The following FADS3 variants were observed in gnomAD, a reference collection of about 807,000 sequenced individuals.
FADS3 encodes cytochrome b5-related protein.
Under a neutral mutation model 60.4 loss-of-function variants are expected in FADS3, and 30 were observed. The observed-to-expected ratio is 0.50, with a 90% CI of 0.37 to 0.67. FADS3 has a LOEUF of 0.67. FADS3 is among the 30% of genes least tolerant of loss of function. FADS3 has a pLI of 0.00. For synonymous variants in FADS3, 234 were observed against 249.3 expected (o/e 0.94, Z 0.58); for missense variants, 432 against 598.3 (o/e 0.72, Z 2.90).
At chr11:61,875,705 T>C in intron 11 of FADS3, 146 bp downstream of exon 11, 1 of 976,122 alleles carries the variant, frequency 1.0e-6, no homozygotes, top group East Asian at 2.5e-5. Flanking sequence ...ACTGTGTGCG[T>C]GAAGGCTGGG....
rs184428743 is a variant in FADS3, at chr11:61,887,982, G to A, written c.213+3187C>T. Among the ~76,000 whole-genome samples the A allele has an allele frequency of 4.3e-4, 66 of 152,344 alleles. 3 individuals carry two copies. The East Asian group carries it at 0.013, about 29-fold the overall frequency. ...GGCACCTTGAGGATTAAAAGAGAGGGTTTCAATAAATCAAGTACTGATTTC... is the reference window on the plus strand; with the variant it reads ...GGCACCTTGAGGATTAAAAGAGAGGATTTCAATAAATCAAGTACTGATTTC... On this transcript the variant is annotated intron_variant, in intron 1 of 11. Transcript: ENST00000278829.
In FADS3 at chr11:61,877,144, T is replaced by C. The variant is rs955867260; in HGVS notation, c.886-181A>G. The C allele has an allele frequency of 1.4e-5, 8 of 564,754 alleles. No homozygotes were observed. Among genetic ancestry groups the C allele is most frequent in the Non-Finnish European group, 2.5e-5 (8 of 316,780 alleles). The allele number at this position is 564,754 out of a possible 1,614,324, so 35.0% of individuals were successfully genotyped here. On this transcript the variant is annotated intron_variant, in intron 7 of 11. Transcript: ENST00000278829. The surrounding 1 kb of genome is among the most constrained non-coding windows in gnomAD (Gnocchi z 4.7). ...GAGTAAAGGAACAGGGTCCTTGCCC[T>C]GCCAGCTCACGAGGCTGATTTTAGT...
Position 61,876,893 on chromosome 11 carries a change from C to A in FADS3, c.956G>T (p.Gly319Val). The A allele has an allele frequency of 6.2e-7, 1 of 1,610,744 alleles. No homozygotes were observed. Among genetic ancestry groups the A allele is most frequent in the Non-Finnish European group, 8.5e-7 (1 of 1,179,096 alleles). Residue 319 changes from glycine (G) to valine (V), a missense_variant, in exon 8 of 12, where the codon GGG (glycine) becomes GTG (valine). Gly to Val is a moderately radical substitution (Grantham distance 109). Coordinates refer to ENST00000278829, the MANE Select transcript of FADS3 (RefSeq NM_021727.5). This position sits in a 1 kb window ranked among gnomAD's most constrained non-coding sequence, Gnocchi z 5.7. ...GACAGCAACAAAGAAGAGCAGCACCCCAGGGACGCCGTAGAAGGGGAGGTA... is the reference window on the plus strand; with the variant it reads ...GACAGCAACAAAGAAGAGCAGCACCACAGGGACGCCGTAGAAGGGGAGGTA... Reference protein sequence around the residue: ...LSYLPFYGVPGVLLFFVAVRV... With the variant: ...LSYLPFYGVPVVLLFFVAVRV...
In FADS3 at chr11:61,873,576, G is replaced by T; in HGVS notation, c.*238C>A. On this transcript the variant is annotated 3_prime_UTR_variant, in exon 12 of 12. Coordinates refer to ENST00000278829, the MANE Select transcript of FADS3 (RefSeq NM_021727.5). ...AAATAACAGCTTTCCCCCAATTCTC[G>T]CTCTAGGAAAATGTGCTATGCTCAC... is the stretch of plus-strand genomic sequence containing the variant. 1 of 560,462 alleles carries T rather than the reference G, an allele frequency of 1.8e-6. No individual in the cohort carries two copies. The highest frequency in any genetic ancestry group is 3.2e-6 in the Non-Finnish European group (1 of 316,592). The allele number at this position is 560,462 out of a possible 1,614,324, so 34.7% of individuals were successfully genotyped here. A position where few individuals can be genotyped will look rare whatever the true frequency, so the allele number is the denominator to read the frequency against.
intron 1 of FADS3, among the ~76,000 whole-genome samples, chr11:61,885,239 G>T (rs1416394766): frequency 6.6e-6 from 1 of 152,078 alleles, no homozygotes; most frequent in African/African-American, 2.4e-5. Context: ...CAGCTGGTCG[G>T]GGGGGTGTCC....
rs1320633012 is a variant in FADS3 at position 61,876,772 on chromosome 11, C to T, written c.983+94G>A. ...AAGCCAGGGAGGCAGTACCACTGGC[C>T]CCATTCTGCAGACGGGAAAAGGGAA... On this transcript the variant is annotated intron_variant, in intron 8 of 11. Coordinates refer to ENST00000278829, the MANE Select transcript of FADS3 (RefSeq NM_021727.5). The surrounding 1 kb of genome is among the most constrained non-coding windows in gnomAD (Gnocchi z 5.7). 3.0e-6 allele frequency: 3 copies of T among 993,730 alleles called. No individual in the cohort carries two copies. Among genetic ancestry groups the T allele is most frequent in the Non-Finnish European group, 4.7e-6 (3 of 641,540 alleles). 61.6% of individuals were successfully genotyped at this position (993,730 alleles called of 1,614,324 possible).
chr11:61,877,580 C>A lies in FADS3; in HGVS notation c.816G>T (p.Pro272=), dbSNP rs758316528. 3.1e-6 allele frequency: 5 copies of A among 1,613,590 alleles called. No homozygotes were observed. Among genetic ancestry groups the A allele is most frequent in the Admixed American group, 1.7e-5 (1 of 60,014 alleles). ...QQHLYFFLIG[P]PLLTLVNFEV... ...CAAAGTTCACCAGGGTGAGCAGCGG[C>A]GGGCCGACTGCAAGAAGGGGCATGA... The change falls in exon 7 of 12, where the codon CCG becomes CCT. Residue 272 remains proline, a synonymous_variant. Transcript: ENST00000278829. The surrounding 1 kb of genome is among the most constrained non-coding windows in gnomAD (Gnocchi z 4.7).
Position 61,876,311 on chromosome 11 carries a change from C to G in FADS3, c.1080+48G>C. The stretch of plus-strand genomic sequence containing the variant: ...CCCTGCTTTGCCATCTGGCTCCTAG[C>G]TGGGACCCCCCACCCCACCCAGGAT... On this transcript the variant is annotated intron_variant, in intron 9 of 11. Coordinates refer to ENST00000278829, the MANE Select transcript of FADS3 (RefSeq NM_021727.5). This position sits in a 1 kb window ranked among gnomAD's most constrained non-coding sequence, Gnocchi z 5.7. 6.3e-7 allele frequency: 1 copy of G among 1,599,752 alleles called. No individual in the cohort carries two copies. The highest frequency in any genetic ancestry group is 8.5e-7 in the Non-Finnish European group (1 of 1,170,550).
chr11:61,891,690 C>T (rs1463894906), upstream of FADS3, among the ~76,000 whole-genome samples: 1 of 151,776 alleles, frequency 6.6e-6, no homozygotes, highest in Non-Finnish European at 1.5e-5. Flanking sequence ...GCCTCGGTCT[C>T]CATTGGCCGC....
chr11:61,876,449 C>G lies in FADS3; in HGVS notation c.990G>C (p.Leu330=), dbSNP rs751750648. ...TGATCCACACGAACCAGTGGCTTTC[C>G]AGGACCCTGTGGGGAGGCTCGGGCA... ...VLLFFVAVRV[L]ESHWFVWITQ... Residue 330 remains leucine, a synonymous_variant, in exon 9 of 12, where the codon CTG becomes CTC. Coordinates refer to ENST00000278829, the MANE Select transcript of FADS3 (RefSeq NM_021727.5). The surrounding 1 kb of genome is among the most constrained non-coding windows in gnomAD (Gnocchi z 5.7). 1 of 1,613,478 alleles carries G rather than the reference C, an allele frequency of 6.2e-7. No homozygotes were observed. Among genetic ancestry groups the G allele is most frequent in the South Asian group, 1.1e-5 (1 of 91,090 alleles).
chr11:61,885,601 G>A (rs989823624), intron 1 of FADS3, among the ~76,000 whole-genome samples: 1 of 152,192 alleles, frequency 6.6e-6, no homozygotes, highest in Non-Finnish European at 1.5e-5. Context: ...GGCCAAGCCT[G>A]AGGCTGGGAG....
chr11:61,890,748 C>T (rs1938475988), intron 1 of FADS3, among the ~76,000 whole-genome samples: 1 of 151,984 alleles, frequency 6.6e-6, no homozygotes, highest in Non-Finnish European at 1.5e-5. Context: ...TCAGGCCGGC[C>T]CAGCCCCCAG....
At chr11:61,880,226 G>T in intron 1 of FADS3, 75 bp from the exon 2 acceptor site, 1 of 1,230,664 alleles carries the variant, frequency 8.1e-7, no homozygotes, top group South Asian at 1.3e-5. Flanking sequence ...AGAGACAGGC[G>T]GAAGGACTAC....
chr11:61,886,991 G>T (rs1315158256), intron 1 of FADS3, among the ~76,000 whole-genome samples: 1 of 152,190 alleles, frequency 6.6e-6, no homozygotes, highest in African/African-American at 2.4e-5. Context: ...GGGCACCAGG[G>T]GCTGCTGGGA....
Position 61,873,714 on chromosome 11 carries a change from C to T in FADS3, c.*100G>A, listed in dbSNP as rs1937761354. 3.6e-6 allele frequency: 3 copies of T among 827,992 alleles called. No individual in the cohort carries two copies. The highest frequency in any genetic ancestry group is 6.1e-6 in the Non-Finnish European group (3 of 488,564). 51.3% of individuals were successfully genotyped at this position (827,992 alleles called of 1,614,324 possible). On this transcript the variant is annotated 3_prime_UTR_variant, in exon 12 of 12. Coordinates refer to ENST00000278829, the MANE Select transcript of FADS3 (RefSeq NM_021727.5). ...AGTACCAGGAGGGCAGGCAGGGCAC[C>T]CCCAGGCTGGCCAGTGGAGGGGTGA...
At chr11:61,880,227 G>A (rs566997615) in intron 1 of FADS3, 76 bp from the exon 2 acceptor site, 3 of 1,199,190 alleles carry the variant, frequency 2.5e-6, no homozygotes, top group Non-Finnish European at 2.5e-6. Context: ...GAGACAGGCG[G>A]AAGGACTACG....
chr11:61,891,233 C>T lies in FADS3; in HGVS notation c.149G>A (p.Arg50His), dbSNP rs1054033001. 3.2e-6 allele frequency: 5 copies of T among 1,550,696 alleles called. No homozygotes were observed. Among genetic ancestry groups the T allele is most frequent in the Non-Finnish European group, 4.4e-6 (5 of 1,149,296 alleles). The change falls in exon 1 of 12, where the codon CGC becomes CAC. Residue 50 changes from arginine (R) to histidine (H), a missense_variant. Transcript: ENST00000278829. ...VIERRVYDIS[R>H]WAQRHPGGSR... is the part of the protein sequence containing the mutation. ...GCCCCCTGGGTGCCGCTGTGCCCAG[C>T]GGCTGATGTCGTAGACGCGGCGCTC...
rs549812906 is a variant in FADS3 at position 61,877,456 on chromosome 11, C to T, written c.885+55G>A. On this transcript the variant is annotated intron_variant, in intron 7 of 11. Transcript: ENST00000278829. The surrounding 1 kb of genome is among the most constrained non-coding windows in gnomAD (Gnocchi z 4.7). ...CATGGGCAGGTACTGTCCCCCGAGG[C>T]ACCACCTCCTGCCACGGCAGCCGTA... 84 of 1,561,580 alleles carry T rather than the reference C, an allele frequency of 5.4e-5. 1 individual carries two copies. The Admixed American group carries it at 1.3e-3, about 25-fold the overall frequency.
chr11:61,881,768 C>A (rs2135996366), intron 1 of FADS3: 1 of 152,318 alleles, frequency 6.6e-6, no homozygotes, highest in South Asian at 2.1e-4. Context: ...GAGGTAACAC[C>A]TACATGATCT....
Sources: gnomAD v4.1 joint callset for allele counts (sites outside exome capture counted in the v4.1 genomes callset) on GRCh38, gnomAD v4.1.1 for gene constraint, Gnocchi (gnomAD v3.1) non-coding constraint, MANE v1.5 for transcripts, NCBI Gene and HGNC (gene_info 2026-07-23, HGNC 2026-07-21) for gene names.